INPP5B: variants seen among roughly 807,000 people sequenced by gnomAD.
The protein encoded by INPP5B is inositol polyphosphate-5-phosphatase B, also known as type II inositol 1,4,5-trisphosphate 5-phosphatase.
INPP5B carries 90 observed loss-of-function variants against 118.5 expected under a neutral mutation model. The ratio of observed to expected loss-of-function variants is 0.76; its 90% confidence interval spans 0.64 to 0.90. INPP5B has a LOEUF of 0.90. INPP5B is among the 40% of genes least tolerant of loss of function. The pLI is 0.00. For synonymous variants in INPP5B, 385 were observed against 418.9 expected, an observed-to-expected ratio of 0.92 and a Z score of 0.99; for missense variants, 984 against 1,125.6, an observed-to-expected ratio of 0.87 and a Z score of 1.80.
In INPP5B at chr1:37,945,678, C is replaced by T. The variant is rs11485595; in HGVS notation, c.152+78G>A. The T allele has an allele frequency of 0.4, 374,134 of 929,588 alleles. 80,341 individuals are homozygous for T. The highest frequency in any genetic ancestry group is 0.44 in the Non-Finnish European group (255,052 of 584,526). 57.6% of individuals were successfully genotyped at this position (929,588 alleles called of 1,614,324 possible). The stretch of plus-strand genomic sequence containing the variant: ...AGACTCAGACCCTGCCCTGGAGGGA[C>T]AGTTGAAGTTCAGCTGGAGGGTGCA... On this transcript the variant is annotated intron_variant, in intron 3 of 23. Coordinates refer to ENST00000373024, the MANE Select transcript of INPP5B (RefSeq NM_005540.3).
intron 7 of INPP5B, among the ~76,000 whole-genome samples, chr1:37,922,489 A>T (rs1645092218): frequency 6.6e-6 from 1 of 151,954 alleles, no homozygotes; most frequent in Admixed American, 6.6e-5. Context: ...AGGTCAGGAG[A>T]TTGAGACCAT....
chr1:37,870,284 A>AT (rs1220757650), intron 19 of INPP5B, among the ~76,000 whole-genome samples: 1 of 151,820 alleles, frequency 6.6e-6, no homozygotes, highest in Admixed American at 6.6e-5. Context: ...TCATTTCTTA[A>AT]TTTTTTTGTA....
intron 13 of INPP5B, among the ~76,000 whole-genome samples, chr1:37,884,862 A>G (rs2148503202): frequency 6.6e-6 from 1 of 152,120 alleles, no homozygotes; most frequent in South Asian, 2.1e-4. Flanking sequence ...GAGGCAGGAG[A>G]ATCATTTGAA....
At chr1:37,934,721 G>C (rs1181025658) in intron 6 of INPP5B, among the ~76,000 whole-genome samples, 1 of 152,120 alleles carries the variant, frequency 6.6e-6, no homozygotes, top group African/African-American at 2.4e-5. Context: ...GGTTACCCCA[G>C]GTGTGGTGTG....
At chr1:37,896,029 A>G (rs959972916) in intron 7 of INPP5B, among the ~76,000 whole-genome samples, 5 of 149,280 alleles carry the variant, frequency 3.3e-5, no homozygotes, top group Admixed American at 3.3e-4. Flanking sequence ...GAAAGTGAGG[A>G]GCGTCTCTGC....
At position 37,932,060 on chromosome 1, in the gene INPP5B, A is replaced by G; in HGVS notation, c.392-7T>C. On this transcript the variant is annotated splice_region_variant and splice_polypyrimidine_tract_variant and intron_variant, in intron 6 of 23. Coordinates refer to ENST00000373024, the MANE Select transcript of INPP5B (RefSeq NM_005540.3). The stretch of plus-strand genomic sequence containing the variant: ...CGGGTCGCAGAATCGAAGCCTGTGC[A>G]GGAACAAATGGGGGCAGACTGAGCC... 6.3e-7 allele frequency: 1 copy of G among 1,582,552 alleles called. No homozygotes were observed. Among genetic ancestry groups the G allele is most frequent in the Middle Eastern group, 1.7e-4 (1 of 5,916 alleles).
chr1:37,924,328 C>T (rs984460220), intron 7 of INPP5B, among the ~76,000 whole-genome samples: 11 of 151,606 alleles, frequency 7.3e-5, no homozygotes, highest in Admixed American at 4.6e-4. Context: ...GCCACCCTGC[C>T]GGGCTAATTT....
chr1:37,895,872 C>T (rs1644025045), intron 7 of INPP5B, among the ~76,000 whole-genome samples: 1 of 152,226 alleles, frequency 6.6e-6, no homozygotes, highest in African/African-American at 2.4e-5. Flanking sequence ...ACAACCTCCA[C>T]CTCCCAGCAG....
intron 17 of INPP5B, 95 bp from the exon 18 acceptor site, chr1:37,874,250 A>C: frequency 1.2e-6 from 1 of 868,852 alleles, no homozygotes. Context: ...TGGAAAGAAA[A>C]TGAACCATCT....
chr1:37,909,233 G>A lies in INPP5B; in HGVS notation c.533-17779C>T, dbSNP rs186317271. Among the ~76,000 whole-genome samples, 917 of 152,108 alleles carry A rather than the reference G, an allele frequency of 6.0e-3. 6 individuals are homozygous for A. Among genetic ancestry groups the A allele is most frequent in the Non-Finnish European group, 8.4e-3 (573 of 68,016 alleles). On this transcript the variant is annotated intron_variant, in intron 7 of 23. Transcript: ENST00000373024. ...CCCAAAGCTTTCTTCTTTCTCTCCT[G>A]TCTGTTCCTTCAGTCTCCACCCCAA...
intron 8 of INPP5B, among the ~76,000 whole-genome samples, chr1:37,890,910 G>A (rs1326712589): frequency 6.6e-6 from 1 of 152,144 alleles, no homozygotes; most frequent in Non-Finnish European, 1.5e-5. Flanking sequence ...GGCAGTAAGT[G>A]CAAATAAATG....
rs139674379 is a variant in INPP5B at position 37,894,519 on chromosome 1, G to A, written c.533-3065C>T. On this transcript the variant is annotated intron_variant, in intron 7 of 23. Transcript: ENST00000373024. ...AGTCACACAATTCAATATTAAATGC[G>A]CAATGAACCTGAATCCCCATGCGTC... Among the ~76,000 whole-genome samples the A allele has an allele frequency of 3.2e-3, 486 of 151,216 alleles. 4 individuals carry two copies. Among genetic ancestry groups the A allele is most frequent in the Non-Finnish European group, 5.9e-3 (400 of 67,882 alleles).
At chr1:37,883,127 T>C (rs1643307568) in intron 13 of INPP5B, 1 of 985,334 alleles carries the variant, frequency 1.0e-6, no homozygotes, top group South Asian at 4.7e-5. Flanking sequence ...AAGTTCATTA[T>C]AAACAGCCTT....
At chr1:37,894,561 C>CTTTTTTTT (rs759895009) in intron 7 of INPP5B, among the ~76,000 whole-genome samples, 11 of 139,020 alleles carry the variant, frequency 7.9e-5, no homozygotes, top group Non-Finnish European at 1.1e-4. Flanking sequence ...TTTCTTTTTT[C>CTTTTTTTT]TTTTTTTTTT....
chr1:37,930,939 A>G (rs1392579875), intron 7 of INPP5B: 1 of 153,322 alleles, frequency 6.5e-6, no homozygotes, highest in African/African-American at 2.4e-5. Context: ...CCCAGGGGAA[A>G]AAAGCACCAG....
At chr1:37,880,741 T>A (rs1469293395) in intron 14 of INPP5B, among the ~76,000 whole-genome samples, 1 of 152,060 alleles carries the variant, frequency 6.6e-6, no homozygotes, top group Non-Finnish European at 1.5e-5. Context: ...CCTAATGTTT[T>A]TTATTTTTCA....
At chr1:37,930,480 T>C (rs942621429) in intron 7 of INPP5B, 1 of 152,320 alleles carries the variant, frequency 6.6e-6, no homozygotes, top group Admixed American at 6.5e-5. Flanking sequence ...CCATTGGCCT[T>C]GTCCTCCGCC....
intron 7 of INPP5B, among the ~76,000 whole-genome samples, chr1:37,896,808 C>T (rs1255211155): frequency 7.1e-6 from 1 of 140,156 alleles, no homozygotes; most frequent in African/African-American, 2.7e-5. Flanking sequence ...CGGCCAGCCG[C>T]CCTGTCCGGG....
intron 7 of INPP5B, among the ~76,000 whole-genome samples, chr1:37,921,189 A>C (rs946899301): frequency 6.6e-6 from 1 of 152,232 alleles, no homozygotes; most frequent in African/African-American, 2.4e-5. Context: ...ACTCAAAGTA[A>C]GTGCTTAATA....
Sources: allele counts gnomAD v4.1 joint callset (sites outside exome capture counted in the v4.1 genomes callset), GRCh38; gene constraint gnomAD v4.1.1; transcripts MANE v1.5; gene names NCBI Gene and HGNC (gene_info 2026-07-23, HGNC 2026-07-21).